FBXO46: variants seen among roughly 807,000 people sequenced by gnomAD.
FBXO46 encodes the protein F-box only protein 46.
Under a neutral mutation model 30.7 loss-of-function variants are expected in FBXO46, and 13 were observed. The observed-to-expected ratio is 0.42, with a 90% CI of 0.28 to 0.67. The LOEUF (loss-of-function observed/expected upper bound fraction) is 0.67. Among genes scored for constraint, FBXO46 ranks in the 30% least tolerant of loss-of-function variants. The probability of loss-of-function intolerance (pLI) is 0.21; values close to 1 mark genes in which losing one functional copy is unlikely to be tolerated. For missense variants in FBXO46, 754 were observed against 871.5 expected, an observed-to-expected ratio of 0.87 and a Z score of 1.70; for synonymous variants, 467 against 385.8, an observed-to-expected ratio of 1.21 and a Z score of -2.47.
In FBXO46 at chr19:45,711,752, C is replaced by T. The variant is rs1967973394; in HGVS notation, c.1744G>A (p.Asp582Asn). Residue 582 changes from aspartate (D) to asparagine (N), a missense_variant, in exon 2 of 2, where the codon GAT becomes AAT. Asp to Asn is a conservative substitution (Grantham distance 23). Coordinates refer to ENST00000317683, the MANE Select transcript of FBXO46 (RefSeq NM_001080469.2). ...TTGCAGGGCAGCACCCAGTTGTTAT[C>T]GTGGAGGCCCAGGCGGCAGCCGGGA... ...ETPGCRLGLHDNNWVLPCNGP... is the reference protein window; with the variant it reads ...ETPGCRLGLHNNNWVLPCNGP... 7.0e-7 allele frequency: 1 copy of T among 1,432,776 alleles called. No individual in the cohort carries two copies. Among genetic ancestry groups the T allele is most frequent in the East Asian group, 3.1e-5 (1 of 31,996 alleles). 88.8% of individuals were successfully genotyped at this position (1,432,776 alleles called of 1,614,324 possible).
At chr19:45,716,833 AGT>A (rs1968096876) in intron 1 of FBXO46, 1 of 152,182 alleles carries the variant, frequency 6.6e-6, no homozygotes, top group Non-Finnish European at 1.5e-5. Flanking sequence ...GGAAGCAGGT[AGT>A]GTTATTAATG....
Position 45,713,811 on chromosome 19 carries a change from T to C in FBXO46, c.-78-238A>G, listed in dbSNP as rs973488052. Among the ~76,000 whole-genome samples, 37 of 151,758 alleles carry C rather than the reference T, an allele frequency of 2.4e-4. No individual in the cohort carries two copies. Among genetic ancestry groups the C allele is most frequent in the African/African-American group, 8.5e-4 (35 of 41,308 alleles). ...GGTGATACCCCATCTCTACTAAAAA[T>C]ACAAAAATGTGCTGGGCGTGATAGT... On this transcript the variant is annotated intron_variant, in intron 1 of 1. Transcript: ENST00000317683. This position sits in a 1 kb window ranked among gnomAD's most constrained non-coding sequence, Gnocchi z 4.7.
intron 1 of FBXO46, among the ~76,000 whole-genome samples, chr19:45,718,510 C>T (rs562556509): frequency 2.2e-4 from 34 of 152,262 alleles, no homozygotes; most frequent in Non-Finnish European, 4.7e-4. Flanking sequence ...TCAAAGTTAC[C>T]GGGCTCTTGC....
chr19:45,718,580 G>C (rs933764941), intron 1 of FBXO46, among the ~76,000 whole-genome samples: 2 of 151,940 alleles, frequency 1.3e-5, no homozygotes, highest in Non-Finnish European at 2.9e-5. Flanking sequence ...CCTCTGCAAG[G>C]CTCAATTCCT....
upstream of FBXO46, among the ~76,000 whole-genome samples, chr19:45,732,073 C>T (rs1968323681): frequency 6.6e-6 from 1 of 150,538 alleles, no homozygotes; most frequent in Non-Finnish European, 1.5e-5. Context: ...GCCGAGATCG[C>T]GCCACTGCAC....
Position 45,711,329 on chromosome 19 carries a change from C to A in FBXO46, c.*355G>T, listed in dbSNP as rs1256539666. The A allele has an allele frequency of 2.1e-6, 1 of 483,054 alleles. No individual in the cohort carries two copies. Among genetic ancestry groups the A allele is most frequent in the Non-Finnish European group, 4.0e-6 (1 of 252,616 alleles). 29.9% of individuals were successfully genotyped at this position (483,054 alleles called of 1,614,324 possible). ...AGGATGGGGGCCAGAATGGGGGGAC[C>A]CTTAAGTGGTACCAAAATTAGCTGC... On this transcript the variant is annotated 3_prime_UTR_variant, in exon 2 of 2. Transcript: ENST00000317683.
rs1967943346 is a variant in FBXO46, at chr19:45,710,815, CAT to C, written c.*867_*868del. 1 of 152,894 alleles carries C rather than the reference CAT, an allele frequency of 6.5e-6. No homozygotes were observed. Among genetic ancestry groups the C allele is most frequent in the Non-Finnish European group, 1.5e-5 (1 of 68,256 alleles). The allele number at this position is 152,894 out of a possible 1,614,324, so 9.5% of individuals were successfully genotyped here. A position where few individuals can be genotyped will look rare whatever the true frequency, so the allele number is the denominator to read the frequency against. On this transcript the variant is annotated 3_prime_UTR_variant, in exon 2 of 2. Transcript: ENST00000317683. ...GTTGACCAAAGGATTCTTAAAGAAA[CAT>C]GTGGCTGGGGTGAGGAGACCCCAAT... is the stretch of plus-strand genomic sequence containing the variant.
chr19:45,724,963 A>T (rs1002323851), intron 1 of FBXO46, among the ~76,000 whole-genome samples: 8 of 150,998 alleles, frequency 5.3e-5, no homozygotes, highest in East Asian at 3.9e-4. Flanking sequence ...CAACAACAAA[A>T]TTTTTTTTTT....
intron 1 of FBXO46, among the ~76,000 whole-genome samples, chr19:45,728,600 T>A (rs1968269145): frequency 6.6e-6 from 1 of 150,956 alleles, no homozygotes; most frequent in Non-Finnish European, 1.5e-5. Context: ...CTTTTGGAGG[T>A]TGAAGCAGGA....
At chr19:45,719,852 A>C (rs1161366565) in intron 1 of FBXO46, among the ~76,000 whole-genome samples, 2 of 152,226 alleles carry the variant, frequency 1.3e-5, no homozygotes, top group Non-Finnish European at 2.9e-5. Context: ...AACAGCAGTC[A>C]ATACTCGAGC....
At chr19:45,722,773 A>AG (rs1449493952) in intron 1 of FBXO46, among the ~76,000 whole-genome samples, 11 of 149,516 alleles carry the variant, frequency 7.4e-5, no homozygotes, top group Admixed American at 2.7e-4. Flanking sequence ...AAAAAAAAAA[A>AG]AAGTGGGCTG....
rs1967990919 is a variant in FBXO46 at position 45,712,291 on chromosome 19, G to C, written c.1205C>G (p.Pro402Arg). 1.2e-6 allele frequency: 2 copies of C among 1,602,476 alleles called. No individual in the cohort carries two copies. The highest frequency in any genetic ancestry group is 3.3e-5 in the Admixed American group (2 of 59,982). Reference sequence around the variant, plus strand: ...AAAGAAGAGCTGGCCCGGAGGCGGCGGTTCCTCCGGGCTGACCGTCAGGCA... The same window carrying C: ...AAAGAAGAGCTGGCCCGGAGGCGGCCGTTCCTCCGGGCTGACCGTCAGGCA... ...TVCLTVSPEE[P>R]PPPGQLFFLQ... Residue 402 changes from proline (P) to arginine (R), a missense_variant, in exon 2 of 2, where the codon CCG (proline) becomes CGG (arginine). Physicochemically the swap from Pro to Arg is moderately radical, Grantham distance 103. Transcript: ENST00000317683. The surrounding 1 kb of genome is among the most constrained non-coding windows in gnomAD (Gnocchi z 8.8).
At position 45,713,630 on chromosome 19, in the gene FBXO46, C is replaced by T; in HGVS notation, c.-78-57G>A. 1.4e-6 allele frequency: 1 copy of T among 702,138 alleles called. No individual in the cohort carries two copies. Among genetic ancestry groups the T allele is most frequent in the Non-Finnish European group, 2.4e-6 (1 of 421,918 alleles). 43.5% of individuals were successfully genotyped at this position (702,138 alleles called of 1,614,324 possible). ...GGGGGACAGCCTTTCTTCCCAGGAC[C>T]ACCCCAACCTCCACCTCTCCTTAGA... On this transcript the variant is annotated intron_variant, in intron 1 of 1. Coordinates refer to ENST00000317683, the MANE Select transcript of FBXO46 (RefSeq NM_001080469.2). This position sits in a 1 kb window ranked among gnomAD's most constrained non-coding sequence, Gnocchi z 4.7.
intron 1 of FBXO46, chr19:45,717,272 C>A (rs928053240): frequency 3.9e-5 from 6 of 152,088 alleles, no homozygotes; most frequent in South Asian, 2.1e-4. Flanking sequence ...CACCCGCAGC[C>A]CCCCCAGGCG....
intron 1 of FBXO46, among the ~76,000 whole-genome samples, chr19:45,726,031 C>G (rs771356890): frequency 3.3e-5 from 5 of 152,152 alleles, no homozygotes; most frequent in Non-Finnish European, 7.3e-5. Flanking sequence ...GCCACCAAGC[C>G]TGACTAATTT....
chr19:45,715,652 C>G (rs1343968939), intron 1 of FBXO46: 1 of 151,834 alleles, frequency 6.6e-6, no homozygotes, highest in Non-Finnish European at 1.5e-5. Context: ...ACTAAAAATA[C>G]AAAAATTAGC....
Position 45,711,362 on chromosome 19 carries a change from T to C in FBXO46, c.*322A>G. The C allele has an allele frequency of 1.8e-6, 1 of 546,416 alleles. No individual in the cohort carries two copies. Among genetic ancestry groups the C allele is most frequent in the Non-Finnish European group, 3.4e-6 (1 of 291,316 alleles). The allele number at this position is 546,416 out of a possible 1,614,324, so 33.8% of individuals were successfully genotyped here. On this transcript the variant is annotated 3_prime_UTR_variant, in exon 2 of 2. Coordinates refer to ENST00000317683, the MANE Select transcript of FBXO46 (RefSeq NM_001080469.2). ...GGTACCAAAATTAGCTGCCGTCTGCTCCCTGCTGGTGGGTCCTTGGGGTGG... is the reference window on the plus strand; with the variant it reads ...GGTACCAAAATTAGCTGCCGTCTGCCCCCTGCTGGTGGGTCCTTGGGGTGG...
At chr19:45,730,092 CAG>C (rs1968289396) in intron 1 of FBXO46, among the ~76,000 whole-genome samples, 2 of 152,096 alleles carry the variant, frequency 1.3e-5, no homozygotes, top group Admixed American at 6.6e-5. Flanking sequence ...CTGAGGCTCA[CAG>C]ATTTGTCCAT....
chr19:45,712,203 C>T lies in FBXO46; in HGVS notation c.1293G>A (p.Ala431=), dbSNP rs963848925. 2 of 1,604,646 alleles carry T rather than the reference C, an allele frequency of 1.2e-6. No individual in the cohort carries two copies. Among genetic ancestry groups the T allele is most frequent in the African/African-American group, 1.3e-5 (1 of 74,888 alleles). Residue 431 remains alanine (A), a synonymous_variant, in exon 2 of 2, where the codon GCG becomes GCA. Transcript: ENST00000317683. The surrounding 1 kb of genome is among the most constrained non-coding windows in gnomAD (Gnocchi z 8.8). Reference sequence around the variant, plus strand: ...TGCCCTCGGCATCGTCTGGGCCGGGCGCAGTGGCCGGGGAGTCGGCCGGGG... The same window carrying T: ...TGCCCTCGGCATCGTCTGGGCCGGGTGCAGTGGCCGGGGAGTCGGCCGGGG... The part of the protein sequence containing the change: ...EPPPADSPAT[A]PGPDDAEGTA...
Sources: gnomAD v4.1 joint callset for allele counts (sites outside exome capture counted in the v4.1 genomes callset) on GRCh38, gnomAD v4.1.1 for gene constraint, Gnocchi (gnomAD v3.1) non-coding constraint, MANE v1.5 for transcripts, NCBI Gene and HGNC (gene_info 2026-07-23, HGNC 2026-07-21) for gene names.